Variants in ARHGAP31 observed in about 807,000 individuals in gnomAD.
ARHGAP31 encodes the protein rho GTPase-activating protein 31.
A neutral mutation model predicts 113.9 loss-of-function variants in ARHGAP31; 34 were observed. The observed-to-expected ratio is 0.30, with a 90% CI of 0.23 to 0.40. ARHGAP31 has a LOEUF of 0.40. Among genes scored for constraint, ARHGAP31 ranks in the 10% least tolerant of loss-of-function variants. The pLI, the probability that ARHGAP31 is intolerant of heterozygous loss-of-function variation, is 1.00. For missense variants in ARHGAP31, 1,548 were observed against 1,767.1 expected (o/e 0.88, Z 2.22); for synonymous variants, 650 against 684.8 (o/e 0.95, Z 0.79).
intron 2 of ARHGAP31, among the ~76,000 whole-genome samples, chr3:119,365,731 G>A (rs1174435933): frequency 6.6e-6 from 1 of 152,202 alleles, no homozygotes. Context: ...TAAGGAAAAC[G>A]TGATTTATTA....
intron 1 of ARHGAP31, among the ~76,000 whole-genome samples, chr3:119,326,861 G>A (rs549159710): frequency 5.3e-5 from 8 of 152,180 alleles, no homozygotes; most frequent in African/African-American, 1.9e-4. Flanking sequence ...ATTTCTGTCA[G>A]GTGGGTTGGC....
intron 4 of ARHGAP31, among the ~76,000 whole-genome samples, chr3:119,381,693 A>G (rs2080398449): frequency 6.6e-6 from 1 of 152,214 alleles, no homozygotes; most frequent in Non-Finnish European, 1.5e-5. Flanking sequence ...AATGGCCACT[A>G]AGAGCCTCCA....
intron 3 of ARHGAP31, among the ~76,000 whole-genome samples, chr3:119,369,049 G>T (rs1333353762): frequency 6.6e-6 from 1 of 152,224 alleles, no homozygotes; most frequent in Non-Finnish European, 1.5e-5. Context: ...AGCAGGATAG[G>T]CAGTGAGTTG....
chr3:119,403,489 G>C (rs1471341076), intron 10 of ARHGAP31, among the ~76,000 whole-genome samples: 1 of 152,162 alleles, frequency 6.6e-6, no homozygotes. Context: ...TCCCCACAGT[G>C]AGCTCAAAAA....
intron 6 of ARHGAP31, among the ~76,000 whole-genome samples, chr3:119,388,308 T>TATATATATATATATATATATA (rs1553765977): frequency 0.022 from 2,895 of 133,260 alleles, 105 homozygotes; most frequent in Non-Finnish European, 0.026. Context: ...TGTATAATTT[T>TATATATATATATATATATATA]TATATATATA....
intron 1 of ARHGAP31, among the ~76,000 whole-genome samples, chr3:119,323,026 A>C (rs532647804): frequency 2.0e-5 from 3 of 151,984 alleles, no homozygotes; most frequent in Non-Finnish European, 4.4e-5. Flanking sequence ...CTTCAGCTTC[A>C]GCAACGTCAA....
chr3:119,387,365 G>A (rs900835907), intron 6 of ARHGAP31, among the ~76,000 whole-genome samples: 43 of 152,030 alleles, frequency 2.8e-4, no homozygotes, highest in Non-Finnish European at 5.6e-4. Context: ...TATAGAGCGA[G>A]GATTATTATA....
chr3:119,337,015 C>T (rs80058196), intron 1 of ARHGAP31, among the ~76,000 whole-genome samples: 6,634 of 152,254 alleles, frequency 0.044, 194 homozygotes, highest in Middle Eastern at 0.065. Flanking sequence ...TAATAATATT[C>T]TATTCTATGG....
intron 1 of ARHGAP31, among the ~76,000 whole-genome samples, chr3:119,309,891 T>C (rs2079663764): frequency 2.6e-5 from 4 of 151,436 alleles, no homozygotes; most frequent in Non-Finnish European, 5.9e-5. Flanking sequence ...CACTTTGAGT[T>C]AGGTAATGCC....
chr3:119,337,286 G>A (rs556850895), intron 1 of ARHGAP31, among the ~76,000 whole-genome samples: 3 of 152,308 alleles, frequency 2.0e-5, no homozygotes, highest in South Asian at 2.1e-4. Flanking sequence ...CAGGAGTGAA[G>A]CTGCAGACCT....
chr3:119,412,749 C>T (rs551365760), intron 11 of ARHGAP31, among the ~76,000 whole-genome samples: 1 of 152,086 alleles, frequency 6.6e-6, no homozygotes, highest in Non-Finnish European at 1.5e-5. Context: ...AGAGACTGGG[C>T]GTGGTGGCTC....
At chr3:119,375,956 AC>A (rs2080343070) in intron 3 of ARHGAP31, among the ~76,000 whole-genome samples, 1 of 152,120 alleles carries the variant, frequency 6.6e-6, no homozygotes, top group African/African-American at 2.4e-5. Flanking sequence ...GGCTCCAGCA[AC>A]CCTTCTGCTT....
intron 1 of ARHGAP31, among the ~76,000 whole-genome samples, chr3:119,363,486 A>C (rs1450005680): frequency 6.6e-6 from 1 of 152,136 alleles, no homozygotes; most frequent in African/African-American, 2.4e-5. Flanking sequence ...TTCCAAGTCC[A>C]TTCCCTGAGG....
chr3:119,330,840 G>A (rs923165206), intron 1 of ARHGAP31, among the ~76,000 whole-genome samples: 37 of 152,162 alleles, frequency 2.4e-4, no homozygotes, highest in African/African-American at 8.2e-4. Context: ...CACATATTAC[G>A]CATAGGAACA....
chr3:119,361,352 G>C (rs552190396), intron 1 of ARHGAP31, among the ~76,000 whole-genome samples: 2 of 150,270 alleles, frequency 1.3e-5, no homozygotes, highest in South Asian at 2.1e-4. Flanking sequence ...CCCTGGTCTA[G>C]ACTAGTGGTT....
chr3:119,323,846 C>G (rs1004762629), intron 1 of ARHGAP31, among the ~76,000 whole-genome samples: 18 of 152,214 alleles, frequency 1.2e-4, no homozygotes, highest in African/African-American at 4.3e-4. Flanking sequence ...TTTTGTCCTT[C>G]CCTCCTCGCA....
chr3:119,343,978 GAGTC>G (rs1180929092), intron 1 of ARHGAP31, among the ~76,000 whole-genome samples: 2 of 152,234 alleles, frequency 1.3e-5, no homozygotes, highest in Admixed American at 1.3e-4. Context: ...GGGCAAATAG[GAGTC>G]AGAGAAAGAT....
Position 119,349,821 on chromosome 3 carries a change from G to A in ARHGAP31, c.101-15495G>A, listed in dbSNP as rs115526814. ...GTCTGCACTCTTCTTAAGCTCCTGGGAGGCCCTTTTGCTCAGAAATATATG... is the reference window on the plus strand; with the variant it reads ...GTCTGCACTCTTCTTAAGCTCCTGGAAGGCCCTTTTGCTCAGAAATATATG... On this transcript the variant is annotated intron_variant, in intron 1 of 11. Coordinates refer to ENST00000264245, the MANE Select transcript of ARHGAP31 (RefSeq NM_020754.4). Among the ~76,000 whole-genome samples the A allele has an allele frequency of 7.4e-3, 1,134 of 152,308 alleles. 18 individuals carry two copies. Among genetic ancestry groups the A allele is most frequent in the African/African-American group, 0.026 (1,071 of 41,562 alleles).
chr3:119,399,618 T>A (rs1375723893), intron 9 of ARHGAP31, among the ~76,000 whole-genome samples: 1 of 152,242 alleles, frequency 6.6e-6, no homozygotes, highest in African/African-American at 2.4e-5. Flanking sequence ...CAAGCATTGG[T>A]TTATGCCCTA....
Sources: gnomAD v4.1 joint callset for allele counts (sites outside exome capture counted in the v4.1 genomes callset) on GRCh38, gnomAD v4.1.1 for gene constraint, MANE v1.5 for transcripts, NCBI Gene and HGNC (gene_info 2026-07-23, HGNC 2026-07-21) for gene names.